Variants in RUFY3 observed in about 807,000 individuals in gnomAD.
RUFY3 encodes RUN and FYVE domain containing 3.
Under a neutral mutation model 84.0 loss-of-function variants are expected in RUFY3, and 34 were observed. That is an observed-to-expected ratio of 0.40 (90% CI 0.31 to 0.54). The LOEUF (loss-of-function observed/expected upper bound fraction) is 0.54, where lower values mean the gene tolerates loss of function less well. Among genes scored for constraint, RUFY3 ranks in the 20% least tolerant of loss-of-function variants. RUFY3 has a pLI of 0.39. For missense variants in RUFY3, 507 were observed against 736.8 expected, an observed-to-expected ratio of 0.69 and a Z score of 3.61; for synonymous variants, 242 against 252.9, an observed-to-expected ratio of 0.96 and a Z score of 0.41.
chr4:70,770,902 T>C (rs544723980), intron 5 of RUFY3, among the ~76,000 whole-genome samples: 2 of 152,120 alleles, frequency 1.3e-5, no homozygotes, highest in Non-Finnish European at 2.9e-5. Context: ...TAGTGGCCAT[T>C]GCAGGGTTAT....
intron 7 of RUFY3, among the ~76,000 whole-genome samples, chr4:70,775,726 G>C (rs1043184877): frequency 6.6e-6 from 1 of 151,884 alleles, no homozygotes; most frequent in Non-Finnish European, 1.5e-5. Flanking sequence ...CAGGAGGATT[G>C]CTTTAGCTCA....
At chr4:70,742,591 T>G (rs1721500249) in intron 1 of RUFY3, among the ~76,000 whole-genome samples, 1 of 152,254 alleles carries the variant, frequency 6.6e-6, no homozygotes, top group African/African-American at 2.4e-5. Context: ...CTCCATTCAC[T>G]TGCTGCTGCA....
chr4:70,709,418 A>G (rs1385499463), intron 1 of RUFY3, among the ~76,000 whole-genome samples: 1 of 151,944 alleles, frequency 6.6e-6, no homozygotes, highest in Non-Finnish European at 1.5e-5. Flanking sequence ...GACCTCCAGC[A>G]CCCTCTCCCC....
At chr4:70,720,296 G>T (rs1357570548), upstream of RUFY3, among the ~76,000 whole-genome samples, 2 of 152,092 alleles carry the variant, frequency 1.3e-5, no homozygotes, top group African/African-American at 4.8e-5. Context: ...CCATTCACCT[G>T]CCTCAGCCTC....
intron 4 of RUFY3, among the ~76,000 whole-genome samples, chr4:70,767,724 G>T (rs1726218602): frequency 6.6e-6 from 1 of 151,910 alleles, no homozygotes; most frequent in Non-Finnish European, 1.5e-5. Flanking sequence ...TGTCACCCAG[G>T]CTGGAGTGCA....
chr4:70,741,551 T>C, intron 1 of RUFY3: 1 of 1,292,122 alleles, frequency 7.7e-7, no homozygotes, highest in Non-Finnish European at 1.1e-6. Flanking sequence ...GGAAATCTTG[T>C]TTTTAATAGC....
At chr4:70,784,090 A>G (rs1031409823) in intron 9 of RUFY3, among the ~76,000 whole-genome samples, 1 of 152,136 alleles carries the variant, frequency 6.6e-6, no homozygotes, top group African/African-American at 2.4e-5. Flanking sequence ...GCTCAGAATA[A>G]TTTTTTTATG....
At chr4:70,705,848 T>G (rs1350891479) in intron 1 of RUFY3, among the ~76,000 whole-genome samples, 1 of 152,220 alleles carries the variant, frequency 6.6e-6, no homozygotes, top group Non-Finnish European at 1.5e-5. Context: ...TTTACGAGCG[T>G]TCCTTCCATG....
chr4:70,793,002 A>G (rs750706819), intron 12 of RUFY3: 23 of 985,232 alleles, frequency 2.3e-5, no homozygotes, highest in Non-Finnish European at 2.8e-5. Flanking sequence ...TACACATAGC[A>G]TGCGTTTAAA....
chr4:70,720,888 C>CGT (rs71210198), upstream of RUFY3, among the ~76,000 whole-genome samples: 22,144 of 138,400 alleles, frequency 0.16, 1,846 homozygotes, highest in Admixed American at 0.22. Context: ...AATATAGGGC[C>CGT]GTGTGTGTGT....
At chr4:70,711,352 C>T (rs1740979357) in intron 1 of RUFY3, among the ~76,000 whole-genome samples, 1 of 152,258 alleles carries the variant, frequency 6.6e-6, no homozygotes, top group Non-Finnish European at 1.5e-5. Context: ...ATAGAGGCGT[C>T]TGCCCAGGCT....
intron 1 of RUFY3, among the ~76,000 whole-genome samples, chr4:70,724,186 C>T (rs146742189): frequency 6.6e-6 from 1 of 152,072 alleles, no homozygotes; most frequent in African/African-American, 2.4e-5. Flanking sequence ...CCAACAATTC[C>T]AGTACTACTT....
intron 1 of RUFY3, among the ~76,000 whole-genome samples, chr4:70,762,053 C>T (rs995275837): frequency 6.6e-6 from 1 of 152,238 alleles, no homozygotes; most frequent in South Asian, 2.1e-4. Context: ...TGGTGGCTCA[C>T]GCGTATTATC....
chr4:70,707,261 G>T (rs968719306), intron 1 of RUFY3, among the ~76,000 whole-genome samples: 1 of 152,188 alleles, frequency 6.6e-6, no homozygotes, highest in African/African-American at 2.4e-5. Flanking sequence ...CAAATGTATG[G>T]TGTTTTTTTG....
At chr4:70,788,245 C>T (rs944999785) in intron 10 of RUFY3, among the ~76,000 whole-genome samples, 34 of 151,266 alleles carry the variant, frequency 2.2e-4, no homozygotes, top group Non-Finnish European at 4.0e-4. Flanking sequence ...AGACTGAGCC[C>T]CTGCACTCCA....
rs777277677 is a variant in RUFY3 at position 70,789,576 on chromosome 4, AAAC to A, written c.1325_1327del (p.Gln442del). On this transcript the variant is annotated inframe_deletion, in exon 12 of 18. Coordinates refer to ENST00000381006, the MANE Select transcript of RUFY3 (RefSeq NM_001037442.4). ...GACTAATCAGATGGCTGCTACCATT[AAAC>A]AACTTGAACAAAGGTAAAAGTCCTG... 6.2e-7 allele frequency: 1 copy of A among 1,612,652 alleles called. No individual in the cohort carries two copies. Among genetic ancestry groups the A allele is most frequent in the South Asian group, 1.1e-5 (1 of 90,872 alleles).
intron 1 of RUFY3, among the ~76,000 whole-genome samples, chr4:70,711,976 C>T (rs916105058): frequency 3.3e-5 from 5 of 149,930 alleles, no homozygotes; most frequent in South Asian, 2.1e-4. Context: ...AGTCAAATCA[C>T]GCTTTTTATT....
At chr4:70,775,668 G>A (rs1374878109) in intron 7 of RUFY3, among the ~76,000 whole-genome samples, 1 of 152,044 alleles carries the variant, frequency 6.6e-6, no homozygotes, top group East Asian at 1.9e-4. Context: ...ATATCGTCCA[G>A]GTGTGCTGGG....
upstream of RUFY3, among the ~76,000 whole-genome samples, chr4:70,721,033 G>T (rs189403636): frequency 8.2e-4 from 124 of 152,052 alleles, no homozygotes; most frequent in African/African-American, 2.8e-3. Context: ...CATGCTTAAG[G>T]CTGGGCATGG....
Sources: gnomAD v4.1 joint callset for allele counts (sites outside exome capture counted in the v4.1 genomes callset) on GRCh38, gnomAD v4.1.1 for gene constraint, MANE v1.5 for transcripts, NCBI Gene and HGNC (gene_info 2026-07-23, HGNC 2026-07-21) for gene names.